Variants in TMEM182 observed in about 807,000 individuals in gnomAD.
TMEM182 encodes the protein transmembrane protein 182.
TMEM182 carries 20 observed loss-of-function variants against 26.8 expected under a neutral mutation model. The observed-to-expected ratio is 0.75, with a 90% CI of 0.53 to 1.09. The LOEUF (loss-of-function observed/expected upper bound fraction) is 1.09, where lower values mean the gene tolerates loss of function less well. TMEM182 is among the 50% of genes least tolerant of loss of function. The probability of loss-of-function intolerance (pLI) is 0.00; values close to 1 mark genes in which losing one functional copy is unlikely to be tolerated. For missense variants in TMEM182, 277 were observed against 275.5 expected (o/e 1.01, Z -0.04); for synonymous variants, 109 against 102.2 (o/e 1.07, Z -0.40).
At chr2:102,760,191 G>C (rs937844394), upstream of TMEM182, among the ~76,000 whole-genome samples, 3 of 152,174 alleles carry the variant, frequency 2.0e-5, no homozygotes, top group African/African-American at 7.2e-5. Flanking sequence ...ATCTCAAGGC[G>C]TTTAAAGGAA....
intron 1 of TMEM182, among the ~76,000 whole-genome samples, chr2:102,743,547 A>C (rs1321309300): frequency 1.3e-5 from 2 of 152,258 alleles, no homozygotes; most frequent in East Asian, 3.9e-4. Flanking sequence ...ATAAGAGCGG[A>C]AGATTAAAGA....
chr2:102,819,573 A>G (rs576397426), downstream of TMEM182, among the ~76,000 whole-genome samples: 3 of 152,302 alleles, frequency 2.0e-5, no homozygotes, highest in South Asian at 6.2e-4. Flanking sequence ...CTATATACAT[A>G]TGTCTGTGTG....
At chr2:102,791,355 A>T (rs933124273) in intron 3 of TMEM182, among the ~76,000 whole-genome samples, 9 of 152,378 alleles carry the variant, frequency 5.9e-5, no homozygotes, top group Admixed American at 2.0e-4. Context: ...TGTTGATATC[A>T]TATTTCAGTA....
chr2:102,810,830 T>G (rs866258254), intron 4 of TMEM182, among the ~76,000 whole-genome samples: 12 of 152,200 alleles, frequency 7.9e-5, no homozygotes, highest in South Asian at 2.1e-4. Context: ...AACAATTTAC[T>G]ATCTATATAT....
intron 4 of TMEM182, among the ~76,000 whole-genome samples, chr2:102,810,007 C>G (rs1404105352): frequency 6.6e-6 from 1 of 152,110 alleles, no homozygotes; most frequent in Non-Finnish European, 1.5e-5. Flanking sequence ...TGATTCTTCC[C>G]CAAGTAACCT....
At chr2:102,746,441 G>T (rs13430147) in intron 1 of TMEM182, among the ~76,000 whole-genome samples, 1 of 152,012 alleles carries the variant, frequency 6.6e-6, no homozygotes, top group Non-Finnish European at 1.5e-5. Flanking sequence ...TTTTGATAAT[G>T]TCCAGTTTAT....
intron 3 of TMEM182, among the ~76,000 whole-genome samples, chr2:102,827,407 T>C (rs1328844459): frequency 1.3e-5 from 2 of 152,212 alleles, no homozygotes; most frequent in Non-Finnish European, 2.9e-5. Flanking sequence ...CCACAGTGAA[T>C]AAAAAGTGCT....
At position 102,817,312 on chromosome 2, in the gene TMEM182, AT is replaced by A; in HGVS notation, c.*2348del. The A allele has an allele frequency of 1.0e-6, 1 of 985,394 alleles. No homozygotes were observed. Among genetic ancestry groups the A allele is most frequent in the Non-Finnish European group, 1.2e-6 (1 of 829,910 alleles). The allele number at this position is 985,394 out of a possible 1,614,324, so 61.0% of individuals were successfully genotyped here. The stretch of plus-strand genomic sequence containing the variant: ...GTTAGAATCTTTTTGAAAAATGTTG[AT>A]TTTGCATCATAAAGTTTCAATTTAT... On this transcript the variant is annotated 3_prime_UTR_variant, in exon 5 of 5. Transcript: ENST00000412401.
At chr2:102,824,524 C>T (rs1682993791) in intron 3 of TMEM182, among the ~76,000 whole-genome samples, 1 of 151,966 alleles carries the variant, frequency 6.6e-6, no homozygotes, top group Non-Finnish European at 1.5e-5. Flanking sequence ...CTGCTCTGGC[C>T]ATGTAAGATG....
chr2:102,762,317 A>G lies in TMEM182; in HGVS notation c.100A>G (p.Thr34Ala), dbSNP rs753723075. 5.0e-6 allele frequency: 8 copies of G among 1,613,844 alleles called. No individual in the cohort carries two copies. Among genetic ancestry groups the G allele is most frequent in the South Asian group, 4.4e-5 (4 of 91,080 alleles). Residue 34 changes from threonine (T) to alanine (A), a missense_variant, in exon 1 of 5, where the codon ACT (threonine) becomes GCT (alanine). Thr to Ala is a moderately conservative substitution (Grantham distance 58). Transcript: ENST00000412401. ...AFGSDYWLLA[T>A]EVGRCSGEKN... ...TGGATCGGATTATTGGCTTCTTGCAACTGAAGTGGGGAGATGTTCAGGTGA... is the reference window on the plus strand; with the variant it reads ...TGGATCGGATTATTGGCTTCTTGCAGCTGAAGTGGGGAGATGTTCAGGTGA...
intron 1 of TMEM182, among the ~76,000 whole-genome samples, chr2:102,745,842 A>T (rs79959831): frequency 6.6e-6 from 1 of 152,130 alleles, no homozygotes; most frequent in East Asian, 1.9e-4. Flanking sequence ...CATTTTATTT[A>T]TATATTCATC....
intron 3 of TMEM182, among the ~76,000 whole-genome samples, chr2:102,785,159 G>A (rs1681337188): frequency 6.6e-6 from 1 of 152,056 alleles, no homozygotes; most frequent in Non-Finnish European, 1.5e-5. Flanking sequence ...TCTCCCTCCA[G>A]CTACTTCCCT....
chr2:102,814,776 G>A lies in TMEM182; in HGVS notation c.498G>A (p.Leu166=). Residue 166 remains leucine (L), a synonymous_variant, in exon 5 of 5, where the codon CTG becomes CTA. Coordinates refer to ENST00000412401, the MANE Select transcript of TMEM182 (RefSeq NM_144632.5). The part of the protein sequence containing the change: ...AGILFSLVVM[L]YVIWVQAVAD... Reference sequence around the variant, plus strand: ...TCCTATTTTCATTGGTGGTGATGCTGTATGTCATCTGGGTCCAGGCAGTGG... The same window carrying A: ...TCCTATTTTCATTGGTGGTGATGCTATATGTCATCTGGGTCCAGGCAGTGG... The A allele has an allele frequency of 6.2e-7, 1 of 1,613,732 alleles. No individual in the cohort carries two copies. The highest frequency in any genetic ancestry group is 1.1e-5 in the South Asian group (1 of 91,042).
intron 3 of TMEM182, among the ~76,000 whole-genome samples, chr2:102,832,415 C>A (rs1000875638): frequency 6.6e-6 from 1 of 152,182 alleles, no homozygotes; most frequent in African/African-American, 2.4e-5. Context: ...CCTTGAGTAT[C>A]ATTCTTTGAA....
intron 3 of TMEM182, among the ~76,000 whole-genome samples, chr2:102,832,339 C>T (rs571455705): frequency 6.6e-6 from 1 of 152,340 alleles, no homozygotes; most frequent in South Asian, 2.1e-4. Flanking sequence ...TAAATCAACA[C>T]ATACATCACA....
At chr2:102,746,024 C>T (rs1679685752) in intron 1 of TMEM182, among the ~76,000 whole-genome samples, 1 of 152,120 alleles carries the variant, frequency 6.6e-6, no homozygotes, top group Non-Finnish European at 1.5e-5. Context: ...AACTGTTTTC[C>T]ATAGTGACTA....
chr2:102,782,428 C>T (rs963307081), intron 3 of TMEM182, among the ~76,000 whole-genome samples: 8 of 152,026 alleles, frequency 5.3e-5, no homozygotes, highest in African/African-American at 1.7e-4. Flanking sequence ...ATTAATACCA[C>T]AATAAATGAC....
At chr2:102,743,964 A>G (rs1462212514) in intron 1 of TMEM182, among the ~76,000 whole-genome samples, 1 of 152,196 alleles carries the variant, frequency 6.6e-6, no homozygotes, top group Non-Finnish European at 1.5e-5. Flanking sequence ...AAAAACTAAT[A>G]AGATTTCAAA....
intron 4 of TMEM182, among the ~76,000 whole-genome samples, chr2:102,801,548 C>T (rs779733817): frequency 3.3e-5 from 5 of 152,144 alleles, no homozygotes; most frequent in Admixed American, 6.5e-5. Flanking sequence ...GTGTCTAGCA[C>T]GGGCTTATCT....
Sources: gnomAD v4.1 joint callset for allele counts (sites outside exome capture counted in the v4.1 genomes callset) on GRCh38, gnomAD v4.1.1 for gene constraint, MANE v1.5 for transcripts, NCBI Gene and HGNC (gene_info 2026-07-23, HGNC 2026-07-21) for gene names.